Variants in ATG10 observed in about 807,000 individuals in gnomAD.
ATG10 encodes the protein autophagy related 10.
In ATG10, 30 loss-of-function variants were observed where a neutral mutation model predicts 32.1. That is an observed-to-expected ratio of 0.94 (90% confidence interval 0.70 to 1.27). ATG10 has a LOEUF of 1.27. Ranked by LOEUF, ATG10 falls within the 50% of genes most tolerant of loss-of-function variation. ATG10 has a pLI of 0.00. For synonymous variants in ATG10, 87 were observed against 91.5 expected, an observed-to-expected ratio of 0.95 and a Z score of 0.28; for missense variants, 233 against 262.3, an observed-to-expected ratio of 0.89 and a Z score of 0.77.
chr5:82,083,326 G>T (rs985092643), intron 3 of ATG10, among the ~76,000 whole-genome samples: 1 of 152,300 alleles, frequency 6.6e-6, no homozygotes, highest in South Asian at 2.1e-4. Flanking sequence ...TAAACAAAGT[G>T]GCCGGGAAGC....
intron 3 of ATG10, among the ~76,000 whole-genome samples, chr5:82,096,573 G>A (rs1765073241): frequency 6.6e-6 from 1 of 152,140 alleles, no homozygotes; most frequent in Non-Finnish European, 1.5e-5. Context: ...TAGAAAGAAG[G>A]AGTCCATAGA....
chr5:81,987,551 T>C lies in ATG10; in HGVS notation c.-12-8T>C. On this transcript the variant is annotated splice_region_variant and splice_polypyrimidine_tract_variant and intron_variant, in intron 1 of 7. Coordinates refer to ENST00000282185, the MANE Select transcript of ATG10 (RefSeq NM_031482.5). ...AGTTGATGCTAATACTTAGTTTTTG[T>C]ATTGCAGTTATCATTTAACATGGAA... 1 of 1,503,238 alleles carries C rather than the reference T, an allele frequency of 6.7e-7. No homozygotes were observed. Among genetic ancestry groups the C allele is most frequent in the Non-Finnish European group, 9.2e-7 (1 of 1,088,616 alleles). 93.1% of individuals were successfully genotyped at this position (1,503,238 alleles called of 1,614,324 possible). A position where few individuals can be genotyped will look rare whatever the true frequency, so the allele number is the denominator to read the frequency against.
intron 2 of ATG10, among the ~76,000 whole-genome samples, chr5:81,989,997 C>T (rs573185589): frequency 6.6e-5 from 10 of 152,024 alleles, no homozygotes; most frequent in African/African-American, 9.7e-5. Context: ...ATTGAATTTC[C>T]GTATTTGTTT....
intron 5 of ATG10, among the ~76,000 whole-genome samples, chr5:82,191,763 G>C (rs140420662): frequency 7.2e-5 from 11 of 152,184 alleles, no homozygotes; most frequent in Non-Finnish European, 1.3e-4. Context: ...CCCCTTTTGA[G>C]AATATCAGGA....
intron 2 of ATG10, among the ~76,000 whole-genome samples, chr5:82,046,974 C>A (rs982017293): frequency 6.7e-6 from 1 of 149,784 alleles, no homozygotes; most frequent in Admixed American, 6.7e-5. Flanking sequence ...ACATTTAGGT[C>A]ATCTGTGTTT....
chr5:82,044,035 A>AT (rs1200302557), intron 2 of ATG10, among the ~76,000 whole-genome samples: 1 of 151,950 alleles, frequency 6.6e-6, no homozygotes, highest in Admixed American at 6.6e-5. Flanking sequence ...CCAATTTTCT[A>AT]TATTAGTCTG....
chr5:82,188,263 T>G (rs1744529209), intron 5 of ATG10, among the ~76,000 whole-genome samples: 1 of 152,224 alleles, frequency 6.6e-6, no homozygotes. Flanking sequence ...GTTAATGTTC[T>G]TTGTTATGTG....
chr5:82,011,472 C>T (rs1762125606), intron 2 of ATG10, among the ~76,000 whole-genome samples: 1 of 152,186 alleles, frequency 6.6e-6, no homozygotes, highest in Non-Finnish European at 1.5e-5. Context: ...TGCAATTCCA[C>T]TCCATTACTC....
At chr5:82,053,818 A>G (rs1021350770) in intron 2 of ATG10, among the ~76,000 whole-genome samples, 5 of 152,196 alleles carry the variant, frequency 3.3e-5, no homozygotes, top group Non-Finnish European at 5.9e-5. Flanking sequence ...ATTTTAAGTT[A>G]CAAGACTACT....
intron 4 of ATG10, among the ~76,000 whole-genome samples, chr5:82,178,034 T>C (rs927730833): frequency 1.1e-4 from 16 of 152,112 alleles, no homozygotes; most frequent in Admixed American, 6.6e-4. Context: ...TGGTACCTGA[T>C]GGAGTGATTT....
At chr5:82,121,890 C>T (rs540153473) in intron 3 of ATG10, among the ~76,000 whole-genome samples, 47 of 145,878 alleles carry the variant, frequency 3.2e-4, no homozygotes, top group Non-Finnish European at 5.4e-4. Flanking sequence ...ATTTTTGCAT[C>T]GAAGTTAATC....
At chr5:82,139,828 CGGGA>C (rs1766991498) in intron 3 of ATG10, among the ~76,000 whole-genome samples, 1 of 141,786 alleles carries the variant, frequency 7.1e-6, no homozygotes, top group African/African-American at 2.6e-5. Context: ...CCACCCCATC[CGGGA>C]GGGAGATGGG....
At chr5:82,127,231 A>G (rs528679981) in intron 3 of ATG10, among the ~76,000 whole-genome samples, 12 of 152,240 alleles carry the variant, frequency 7.9e-5, no homozygotes, top group African/African-American at 2.6e-4. Flanking sequence ...TCAGAAAACC[A>G]TCTCCTGGAT....
chr5:82,001,324 A>G (rs1761843007), intron 2 of ATG10, among the ~76,000 whole-genome samples: 1 of 152,198 alleles, frequency 6.6e-6, no homozygotes. Context: ...TGGAACCAAA[A>G]AGAGCCCAAA....
chr5:82,238,505 C>G (rs966430967), intron 5 of ATG10, among the ~76,000 whole-genome samples: 2 of 152,144 alleles, frequency 1.3e-5, no homozygotes, highest in East Asian at 3.9e-4. Context: ...TGCAGCTGGA[C>G]TGTAAACCCC....
intron 2 of ATG10, among the ~76,000 whole-genome samples, chr5:82,038,204 T>C (rs1762989617): frequency 6.6e-6 from 1 of 152,218 alleles, no homozygotes; most frequent in Non-Finnish European, 1.5e-5. Flanking sequence ...GAGTCACTTA[T>C]AAATATGTGT....
intron 3 of ATG10, among the ~76,000 whole-genome samples, chr5:82,154,777 G>A (rs756786937): frequency 2.9e-4 from 44 of 152,316 alleles, no homozygotes; most frequent in Non-Finnish European, 5.3e-4. Context: ...TGCCTGGCAC[G>A]TCATAGATAC....
chr5:82,058,147 T>G (rs1763659399), intron 2 of ATG10, among the ~76,000 whole-genome samples: 1 of 152,206 alleles, frequency 6.6e-6, no homozygotes, highest in Non-Finnish European at 1.5e-5. Flanking sequence ...TTGTTCTCTA[T>G]GTGTATGCCA....
At chr5:82,047,123 A>T (rs183051739) in intron 2 of ATG10, among the ~76,000 whole-genome samples, 71 of 152,292 alleles carry the variant, frequency 4.7e-4, no homozygotes, top group Admixed American at 2.7e-3. Context: ...GAGAAAAAAA[A>T]TAACTTTCGA....
Sources: gnomAD v4.1 joint callset for allele counts (sites outside exome capture counted in the v4.1 genomes callset) on GRCh38, gnomAD v4.1.1 for gene constraint, MANE v1.5 for transcripts, NCBI Gene and HGNC (gene_info 2026-07-23, HGNC 2026-07-21) for gene names.